The following DNAJC1 variants were observed in gnomAD, a reference collection of about 807,000 sequenced individuals.
The protein encoded by DNAJC1 is dnaJ homolog subfamily C member 1.
Under a neutral mutation model 76.6 loss-of-function variants are expected in DNAJC1, and 58 were observed. The observed-to-expected ratio is 0.76, with a 90% CI of 0.61 to 0.94. The LOEUF (loss-of-function observed/expected upper bound fraction) is 0.94. Among genes scored for constraint, DNAJC1 ranks in the 40% least tolerant of loss-of-function variants. The pLI is 0.00. For synonymous variants in DNAJC1, 258 were observed against 267.9 expected (o/e 0.96, Z 0.36); for missense variants, 689 against 677.3 (o/e 1.02, Z -0.19).
intron 1 of DNAJC1, among the ~76,000 whole-genome samples, chr10:21,975,707 T>C (rs930125243): frequency 3.3e-5 from 5 of 152,214 alleles, no homozygotes; most frequent in African/African-American, 1.2e-4. Context: ...TTATAAATCA[T>C]TGTTACATGT....
At chr10:21,787,190 T>C (rs922944335) in intron 9 of DNAJC1, among the ~76,000 whole-genome samples, 3 of 152,012 alleles carry the variant, frequency 2.0e-5, no homozygotes, top group East Asian at 1.9e-4. Flanking sequence ...TAGCCGGGCA[T>C]GGTGGCAGGC....
chr10:21,761,919 T>C (rs956961959), intron 10 of DNAJC1, among the ~76,000 whole-genome samples: 1 of 152,212 alleles, frequency 6.6e-6, no homozygotes, highest in Non-Finnish European at 1.5e-5. Flanking sequence ...TTTTTATTTT[T>C]ATTTTTTGAG....
At chr10:21,840,457 AACAG>A (rs1325751703) in intron 8 of DNAJC1, among the ~76,000 whole-genome samples, 2 of 152,194 alleles carry the variant, frequency 1.3e-5, no homozygotes, top group African/African-American at 4.8e-5. Context: ...ATACACCAAT[AACAG>A]ACAAACACAG....
intron 1 of DNAJC1, among the ~76,000 whole-genome samples, chr10:21,950,010 C>T (rs1256543432): frequency 6.6e-6 from 1 of 151,318 alleles, no homozygotes; most frequent in Non-Finnish European, 1.5e-5. Context: ...TGGTAGTCTA[C>T]AAATGCAAAA....
intron 1 of DNAJC1, among the ~76,000 whole-genome samples, chr10:21,945,241 GA>G (rs938864492): frequency 6.6e-6 from 1 of 152,176 alleles, no homozygotes; most frequent in African/African-American, 2.4e-5. Flanking sequence ...CAGCTATTAT[GA>G]AAATCCCTGG....
intron 10 of DNAJC1, 129 bp from the exon 11 acceptor site, chr10:21,759,747 C>T (rs1834219640): frequency 1.3e-6 from 1 of 743,194 alleles, no homozygotes. Flanking sequence ...AATTTCATTT[C>T]CACACTACTC....
intron 7 of DNAJC1, among the ~76,000 whole-genome samples, chr10:21,894,278 T>C (rs962030086): frequency 7.2e-5 from 11 of 152,096 alleles, no homozygotes; most frequent in African/African-American, 2.7e-4. Flanking sequence ...TTTCAGAAAA[T>C]AGAAGAGGAA....
chr10:21,926,241 T>C (rs1017746858), intron 3 of DNAJC1, among the ~76,000 whole-genome samples: 1 of 151,626 alleles, frequency 6.6e-6, no homozygotes. Flanking sequence ...TGTGAGCCAC[T>C]GTACCCAGCC....
intron 6 of DNAJC1, among the ~76,000 whole-genome samples, chr10:21,910,299 A>C (rs1836833380): frequency 6.6e-6 from 1 of 151,936 alleles, no homozygotes; most frequent in African/African-American, 2.4e-5. Flanking sequence ...TATTTTTAGT[A>C]AGACGGCGTT....
chr10:21,864,379 T>G lies in DNAJC1; in HGVS notation c.978+17903A>C, dbSNP rs546529737. 5.3e-5 allele frequency among the ~76,000 whole-genome samples: 8 copies of G among 152,264 alleles called. 1 individual carries two copies. The highest frequency in any genetic ancestry group is 1.9e-4 in the African/African-American group (8 of 41,522). ...GCTCATGCCTGTAATCCCAGCACCC[T>G]GGGAGGCCAAGGCAGGTGGATCACG... On this transcript the variant is annotated intron_variant, in intron 8 of 11. Transcript: ENST00000376980.
At chr10:21,896,939 T>TCC (rs1836553824) in intron 7 of DNAJC1, among the ~76,000 whole-genome samples, 5 of 152,182 alleles carry the variant, frequency 3.3e-5, no homozygotes, top group Non-Finnish European at 5.9e-5. Flanking sequence ...CCCCTTCTGT[T>TCC]CCTTGTGAGG....
intron 8 of DNAJC1, among the ~76,000 whole-genome samples, chr10:21,867,685 T>C (rs1304851421): frequency 3.9e-5 from 6 of 152,076 alleles, no homozygotes; most frequent in African/African-American, 7.3e-5. Flanking sequence ...GACCTAGGTT[T>C]CACCTAGAAC....
intron 10 of DNAJC1, among the ~76,000 whole-genome samples, chr10:21,763,930 C>G (rs1427601582): frequency 6.6e-6 from 1 of 152,134 alleles, no homozygotes; most frequent in Non-Finnish European, 1.5e-5. Flanking sequence ...ATAAGCTCTG[C>G]TAATGGGCAC....
At chr10:21,908,221 A>G (rs1018886010) in intron 6 of DNAJC1, among the ~76,000 whole-genome samples, 11 of 72,334 alleles carry the variant, frequency 1.5e-4, no homozygotes, top group Non-Finnish European at 2.3e-4. Flanking sequence ...TATATTATAT[A>G]TAATATATAT....
At chr10:21,781,556 C>T (rs1473881726) in intron 9 of DNAJC1, among the ~76,000 whole-genome samples, 2 of 151,852 alleles carry the variant, frequency 1.3e-5, no homozygotes, top group African/African-American at 4.8e-5. Flanking sequence ...CCCGTCTCTA[C>T]TAAAAATACA....
In DNAJC1 at chr10:21,928,531, A is replaced by C. The variant is rs1488530389; in HGVS notation, c.346T>G (p.Leu116Val). Residue 116 changes from leucine (L) to valine (V), a missense_variant, in exon 3 of 12, where the codon TTA (leucine) becomes GTA (valine). Leu to Val is a conservative substitution (Grantham distance 32, BLOSUM62 1). Transcript: ENST00000376980. ...CTCTGCCTTCGTTCATCATCCTTTA[A>C]AACTTCATAAATGGCCACCAACTAA... The part of the protein sequence containing the change: ...FRQLVAIYEV[L>V]KDDERRQRYD... 1 of 1,613,132 alleles carries C rather than the reference A, an allele frequency of 6.2e-7. No homozygotes were observed. The highest frequency in any genetic ancestry group is 1.3e-5 in the African/African-American group (1 of 74,906).
Position 21,763,000 on chromosome 10 carries a change from G to A in DNAJC1, c.1147+3261C>T, listed in dbSNP as rs553652594. Among the ~76,000 whole-genome samples, 15 of 152,114 alleles carry A rather than the reference G, an allele frequency of 9.9e-5. No homozygotes were observed. The South Asian group carries it at 1.5e-3, about 15-fold the overall frequency. ...GCTGGAAGTTCAGTGGCATGATCTC[G>A]GCTCACTGCAACCTCTGCCTCCCGG... On this transcript the variant is annotated intron_variant, in intron 10 of 11. Coordinates refer to ENST00000376980, the MANE Select transcript of DNAJC1 (RefSeq NM_022365.4).
At chr10:21,852,999 C>T (rs938947072) in intron 8 of DNAJC1, among the ~76,000 whole-genome samples, 1 of 152,178 alleles carries the variant, frequency 6.6e-6, no homozygotes, top group African/African-American at 2.4e-5. Flanking sequence ...TTCCTTTCCA[C>T]TCTCACTCCA....
chr10:21,959,696 G>A (rs935753008), intron 1 of DNAJC1, among the ~76,000 whole-genome samples: 2 of 150,418 alleles, frequency 1.3e-5, no homozygotes, highest in African/African-American at 2.4e-5. Flanking sequence ...CAAGGCAGGA[G>A]AATCACTTGG....
Sources: gnomAD v4.1 joint callset for allele counts (sites outside exome capture counted in the v4.1 genomes callset) on GRCh38, gnomAD v4.1.1 for gene constraint, MANE v1.5 for transcripts, NCBI Gene and HGNC (gene_info 2026-07-23, HGNC 2026-07-21) for gene names.